ZNF398: variants seen among roughly 807,000 people sequenced by gnomAD.
ZNF398 encodes zinc finger protein 398.
Under a neutral mutation model 41.9 loss-of-function variants are expected in ZNF398, and 18 were observed. The ratio of observed to expected loss-of-function variants is 0.43; its 90% confidence interval spans 0.30 to 0.64. The LOEUF (loss-of-function observed/expected upper bound fraction) is 0.64, where lower values mean the gene tolerates loss of function less well. ZNF398 is among the 30% of genes least tolerant of loss of function. ZNF398 has a pLI of 0.14. For synonymous variants in ZNF398, 260 were observed against 308.8 expected (o/e 0.84, Z 1.66); for missense variants, 669 against 822.8 (o/e 0.81, Z 2.29).
rs984808873 is a variant in ZNF398, at chr7:149,162,429, G to A, written c.421-3729G>A. Among the ~76,000 whole-genome samples the A allele has an allele frequency of 3.2e-4, 48 of 152,154 alleles. 1 individual carries two copies. The highest frequency in any genetic ancestry group is 8.5e-4 in the Admixed American group (13 of 15,256). On this transcript the variant is annotated intron_variant, in intron 2 of 5. Coordinates refer to ENST00000475153, the MANE Select transcript of ZNF398 (RefSeq NM_170686.3). ...GATCTCCTGACCTCGTGATCCGCCC[G>A]CCTCGGCCTCTCAAAGTGCTGGGAT...
intron 1 of ZNF398, among the ~76,000 whole-genome samples, chr7:149,127,502 C>A (rs1412816650): frequency 9.7e-5 from 14 of 143,820 alleles, no homozygotes; most frequent in African/African-American, 3.7e-4. Context: ...GTCAGGAGAG[C>A]GAGACCATCC....
rs1320562801 is a variant in ZNF398 at position 149,180,661 on chromosome 7, C to T, written c.*860C>T. 6.6e-6 allele frequency: 1 copy of T among 152,220 alleles called. No homozygotes were observed. The highest frequency in any genetic ancestry group is 2.4e-5 in the African/African-American group (1 of 41,462). The allele number at this position is 152,220 out of a possible 1,614,324, so 9.4% of individuals were successfully genotyped here. On this transcript the variant is annotated 3_prime_UTR_variant, in exon 6 of 6. Transcript: ENST00000475153. ...CAGAACAGCTTAAAATTTGTGCCTA[C>T]ACCATGTTCTGAGAGTCGTTCACAT...
rs1456656280 is a variant in ZNF398, at chr7:149,155,722, T to TAA, written c.420+1382_420+1383insAA. On this transcript the variant is annotated intron_variant, in intron 2 of 5. Coordinates refer to ENST00000475153, the MANE Select transcript of ZNF398 (RefSeq NM_170686.3). ...ATATATATATATTTTTTTTTTTTTT[T>TAA]TTTTTTTAATTTTTTTTTTTTTGAG... Among the ~76,000 whole-genome samples, 334 of 73,568 alleles carry TAA rather than the reference T, an allele frequency of 4.5e-3. 2 individuals carry two copies. The highest frequency in any genetic ancestry group is 7.6e-3 in the Non-Finnish European group (290 of 38,132). 48.3% of individuals were successfully genotyped at this position (73,568 alleles called of 152,430 possible).
chr7:149,166,864 G>A lies in ZNF398; in HGVS notation c.595G>A (p.Gly199Arg). 1 of 1,613,292 alleles carries A rather than the reference G, an allele frequency of 6.2e-7. No individual in the cohort carries two copies. Among genetic ancestry groups the A allele is most frequent in the East Asian group, 2.2e-5 (1 of 44,858 alleles). ...TGTCTTATCTCAGATTCAACCAGAA[G>A]GGGAACATAATACAGAGGACCAGGC... ...PDVLSQIQPE[G>R]EHNTEDQAGP... Residue 199 changes from glycine to arginine, a missense_variant, in exon 4 of 6, where the codon GGG becomes AGG. By Grantham distance (125) the Gly-to-Arg change is moderately radical (BLOSUM62 -2). Transcript: ENST00000475153.
chr7:149,153,913 A>G, intron 1 of ZNF398, 32 bp from the exon 2 acceptor site: 1 of 1,580,250 alleles, frequency 6.3e-7, no homozygotes, highest in Non-Finnish European at 8.6e-7. Context: ...TCTAACACTC[A>G]ATGTCTTGTT....
At chr7:149,129,118 A>G (rs1205611401) in intron 2 of ZNF398, among the ~76,000 whole-genome samples, 1 of 152,006 alleles carries the variant, frequency 6.6e-6, no homozygotes, top group African/African-American at 2.4e-5. Flanking sequence ...TCATATAAAT[A>G]TATAATATAT....
At chr7:149,159,540 C>T (rs1051380666) in intron 2 of ZNF398, among the ~76,000 whole-genome samples, 12 of 151,146 alleles carry the variant, frequency 7.9e-5, no homozygotes, top group Admixed American at 4.0e-4. Context: ...CCCAGCTACC[C>T]GGGAGGCTGA....
Position 149,178,937 on chromosome 7 carries a change from C to T in ZNF398, c.1065C>T (p.Asp355=), listed in dbSNP as rs1182732806. ...ACTGTGGCAAGAATCTCAGCCAAGA[C>T]ATGTTGCTGACCCACCAATGTAGCC... ...CHHCGKNLSQ[D]MLLTHQCSHA... The change falls in exon 6 of 6, where the codon GAC becomes GAT. Residue 355 remains aspartate (D), a synonymous_variant. Coordinates refer to ENST00000475153, the MANE Select transcript of ZNF398 (RefSeq NM_170686.3). 2.5e-6 allele frequency: 4 copies of T among 1,614,078 alleles called. No individual in the cohort carries two copies. Among genetic ancestry groups the T allele is most frequent in the African/African-American group, 2.7e-5 (2 of 74,922 alleles).
intron 1 of ZNF398, among the ~76,000 whole-genome samples, chr7:149,128,274 C>T (rs1826526322): frequency 6.6e-6 from 1 of 152,098 alleles, no homozygotes; most frequent in African/African-American, 2.4e-5. Flanking sequence ...CCAAGCGGTG[C>T]TTACAGGTCA....
In ZNF398 at chr7:149,178,843, T is replaced by C. The variant is rs777411106; in HGVS notation, c.971T>C (p.Val324Ala). 4 of 1,614,178 alleles carry C rather than the reference T, an allele frequency of 2.5e-6. No homozygotes were observed. The South Asian group carries it at 4.4e-5, about 18-fold the overall frequency. Residue 324 changes from valine (V) to alanine (A), a missense_variant, in exon 6 of 6, where the codon GTG becomes GCG. Coordinates refer to ENST00000475153, the MANE Select transcript of ZNF398 (RefSeq NM_170686.3). ...CTGCCTGAAGCCTCTGAGGGACAAGTGACTTTTACTCAGTTGGGTAGCTAT... is the reference window on the plus strand; with the variant it reads ...CTGCCTGAAGCCTCTGAGGGACAAGCGACTTTTACTCAGTTGGGTAGCTAT... ...TDLPEASEGQ[V>A]TFTQLGSYPL...
intron 2 of ZNF398, among the ~76,000 whole-genome samples, chr7:149,163,941 G>C (rs1233027609): frequency 1.3e-5 from 2 of 151,872 alleles, no homozygotes; most frequent in Non-Finnish European, 2.9e-5. Context: ...GTGAAACCCC[G>C]TGTCTACTAA....
At chr7:149,177,535 T>C (rs893038818) in intron 5 of ZNF398, among the ~76,000 whole-genome samples, 5 of 152,146 alleles carry the variant, frequency 3.3e-5, no homozygotes, top group African/African-American at 1.2e-4. Flanking sequence ...TGGTATGATA[T>C]GGCTGGGTAT....
chr7:149,179,061 C>T lies in ZNF398; in HGVS notation c.1189C>T (p.Pro397Ser), dbSNP rs765956413. The change falls in exon 6 of 6, where the codon CCC becomes TCC. Residue 397 changes from proline to serine, a missense_variant. This residue lies in a region of ZNF398 where 290 missense variants were observed against 292.9 expected (regional missense o/e 0.99). Coordinates refer to ENST00000475153, the MANE Select transcript of ZNF398 (RefSeq NM_170686.3). The surrounding 1 kb of genome is among the most constrained non-coding windows in gnomAD (Gnocchi z 6.1). ...CTCCCAGGACCATGCCAGCGAGACA[C>T]CCCCCACCTGCCCACACTGTGCCAG... The part of the protein sequence containing the change: ...STSQDHASET[P>S]PTCPHCARTF... 6 of 1,613,992 alleles carry T rather than the reference C, an allele frequency of 3.7e-6. No homozygotes were observed. Among genetic ancestry groups the T allele is most frequent in the East Asian group, 4.5e-5 (2 of 44,876 alleles).
rs55949209 is a variant in ZNF398 at position 149,148,404 on chromosome 7, C to T, written c.24+638C>T. On this transcript the variant is annotated intron_variant, in intron 1 of 5. Transcript: ENST00000475153. ...GGGCGACCGAGGCGACCGGGCCGCGCCTGCACGCAGCCCCGTAGAATGAGA... is the reference window on the plus strand; with the variant it reads ...GGGCGACCGAGGCGACCGGGCCGCGTCTGCACGCAGCCCCGTAGAATGAGA... The T allele has an allele frequency of 4.9e-3, 4,860 of 984,152 alleles. 175 individuals carry two copies. In the African/African-American group the frequency reaches 0.078, roughly 16 times the overall value. The allele number at this position is 984,152 out of a possible 1,614,324, so 61.0% of individuals were successfully genotyped here. A position where few individuals can be genotyped will look rare whatever the true frequency, so the allele number is the denominator to read the frequency against.
In ZNF398 at chr7:149,178,898, G is replaced by A; in HGVS notation, c.1026G>A (p.Val342=). 1 of 1,614,130 alleles carries A rather than the reference G, an allele frequency of 6.2e-7. No individual in the cohort carries two copies. Among genetic ancestry groups the A allele is most frequent in the Non-Finnish European group, 8.5e-7 (1 of 1,180,002 alleles). Residue 342 remains valine, a synonymous_variant, in exon 6 of 6, where the codon GTG becomes GTA. Transcript: ENST00000475153. ...YPLPPPVGEQ[V]FSCHHCGKNL... ...TCCCACCTCCAGTTGGCGAGCAGGT[G>A]TTCTCATGCCACCACTGTGGCAAGA...
intron 4 of ZNF398, among the ~76,000 whole-genome samples, chr7:149,175,831 C>T (rs1455057916): frequency 1.3e-5 from 2 of 152,134 alleles, no homozygotes; most frequent in East Asian, 3.9e-4. Flanking sequence ...ATTACAGGCG[C>T]CTGCCACCAC....
chr7:149,158,129 G>A (rs1313532106), intron 2 of ZNF398, among the ~76,000 whole-genome samples: 1 of 152,128 alleles, frequency 6.6e-6, no homozygotes, highest in African/African-American at 2.4e-5. Context: ...AGGCTGATGA[G>A]GTAGAGGAAA....
At chr7:149,155,147 T>A (rs1332009136) in intron 2 of ZNF398, among the ~76,000 whole-genome samples, 1 of 146,098 alleles carries the variant, frequency 6.8e-6, no homozygotes, top group East Asian at 2.1e-4. Flanking sequence ...ATTGGCCAGG[T>A]GTGGTGGCTC....
In ZNF398 at chr7:149,179,641, A is replaced by G; in HGVS notation, c.1769A>G (p.His590Arg). ...CTCAAGGACCACCTCCGTTCAGGCC[A>G]CAATGGAGGCTGTGGGGGTGATAGT... ...QTLKDHLRSGHNGGCGGDSDP... is the reference protein window; with the variant it reads ...QTLKDHLRSGRNGGCGGDSDP... The change falls in exon 6 of 6, where the codon CAC becomes CGC. Residue 590 changes from histidine to arginine, a missense_variant. His to Arg is a conservative substitution (Grantham distance 29, BLOSUM62 0). Coordinates refer to ENST00000475153, the MANE Select transcript of ZNF398 (RefSeq NM_170686.3). This position sits in a 1 kb window ranked among gnomAD's most constrained non-coding sequence, Gnocchi z 6.1. 1 of 1,614,238 alleles carries G rather than the reference A, an allele frequency of 6.2e-7. No individual in the cohort carries two copies. Among genetic ancestry groups the G allele is most frequent in the Non-Finnish European group, 8.5e-7 (1 of 1,180,036 alleles).
Sources: allele counts gnomAD v4.1 joint callset (sites outside exome capture counted in the v4.1 genomes callset), GRCh38; gene constraint gnomAD v4.1.1; regional missense constraint gnomAD v4.1.1; non-coding constraint Gnocchi (gnomAD v3.1); transcripts MANE v1.5; gene names NCBI Gene and HGNC (gene_info 2026-07-23, HGNC 2026-07-21).